ASB4: variants seen among roughly 807,000 people sequenced by gnomAD.
The protein encoded by ASB4 is ankyrin repeat and SOCS box containing 4.
A neutral mutation model predicts 38.6 loss-of-function variants in ASB4; 35 were observed. That is an observed-to-expected ratio of 0.91 (90% CI 0.69 to 1.20). The LOEUF (loss-of-function observed/expected upper bound fraction) is 1.20, where lower values mean the gene tolerates loss of function less well. ASB4 is among the 50% of genes most tolerant of loss of function. ASB4 has a pLI of 0.00. For synonymous variants in ASB4, 195 were observed against 201.3 expected, an observed-to-expected ratio of 0.97 and a Z score of 0.26; for missense variants, 557 against 527.2, an observed-to-expected ratio of 1.06 and a Z score of -0.55.
chr7:95,485,967 G>A lies in ASB4; in HGVS notation c.-5G>A, dbSNP rs1585792802. 1 of 1,612,680 alleles carries A rather than the reference G, an allele frequency of 6.2e-7. No homozygotes were observed. The highest frequency in any genetic ancestry group is 1.3e-5 in the African/African-American group (1 of 74,862). ...CACAACAAAGCTTCCAGAGGGAGAG[G>A]AAGGATGGACGGCACCACTGCCCCT... On this transcript the variant is annotated 5_prime_UTR_variant, in exon 1 of 5. Coordinates refer to ENST00000325885, the MANE Select transcript of ASB4 (RefSeq NM_016116.3).
chr7:95,514,055 G>A (rs1296193804), intron 2 of ASB4, among the ~76,000 whole-genome samples: 1 of 152,100 alleles, frequency 6.6e-6, no homozygotes, highest in Admixed American at 6.6e-5. Flanking sequence ...CTCATCCTTG[G>A]TCCTTTATGG....
downstream of ASB4, among the ~76,000 whole-genome samples, chr7:95,545,192 C>T (rs1286957128): frequency 6.6e-6 from 1 of 152,198 alleles, no homozygotes; most frequent in Non-Finnish European, 1.5e-5. Flanking sequence ...AATTTTCTCC[C>T]TGCTGTGAAT....
At chr7:95,549,681 T>G in the ASB4 span, among the ~76,000 whole-genome samples, 2 of 152,164 alleles carry the variant, frequency 1.3e-5, no homozygotes, top group African/African-American at 4.8e-5. Flanking sequence ...TTTAAGATAC[T>G]CTAAAATATT....
intron 3 of ASB4, among the ~76,000 whole-genome samples, chr7:95,530,262 G>A (rs894778782): frequency 6.6e-6 from 1 of 151,924 alleles, no homozygotes; most frequent in Non-Finnish European, 1.5e-5. Flanking sequence ...GGAGTTCAAG[G>A]ACAGACAGCC....
chr7:95,546,529 A>G, the ASB4 span, among the ~76,000 whole-genome samples: 2 of 152,174 alleles, frequency 1.3e-5, no homozygotes, highest in Non-Finnish European at 2.9e-5. Flanking sequence ...CAGGGATGGC[A>G]AAAGTGGGGT....
chr7:95,530,657 G>GTA (rs1790808409), intron 3 of ASB4, among the ~76,000 whole-genome samples: 1 of 152,090 alleles, frequency 6.6e-6, no homozygotes, highest in Non-Finnish European at 1.5e-5. Flanking sequence ...AATCCAAGAG[G>GTA]TATATATGTG....
chr7:95,496,166 T>C, intron 2 of ASB4, 109 bp downstream of exon 2: 1 of 1,033,744 alleles, frequency 9.7e-7, no homozygotes, highest in South Asian at 1.5e-5. Context: ...AAGATGCAAT[T>C]ATGCCTAGTA....
chr7:95,499,078 G>C (rs1221185655), intron 2 of ASB4, among the ~76,000 whole-genome samples: 2 of 152,112 alleles, frequency 1.3e-5, no homozygotes, highest in African/African-American at 4.8e-5. Flanking sequence ...AAATCAGATA[G>C]AGTGAGTCCT....
At chr7:95,501,069 A>T (rs1453776283) in intron 2 of ASB4, among the ~76,000 whole-genome samples, 1 of 152,062 alleles carries the variant, frequency 6.6e-6, no homozygotes, top group African/African-American at 2.4e-5. Flanking sequence ...CAAGCTTTTT[A>T]TTTTTAAGAG....
At chr7:95,486,852 G>A (rs559153012) in intron 1 of ASB4, among the ~76,000 whole-genome samples, 80 of 152,166 alleles carry the variant, frequency 5.3e-4, no homozygotes, top group African/African-American at 1.8e-3. Flanking sequence ...TTTTTACCAA[G>A]GAATTTTCTG....
At chr7:95,523,627 A>G (rs1350556532) in intron 2 of ASB4, among the ~76,000 whole-genome samples, 1 of 152,068 alleles carries the variant, frequency 6.6e-6, no homozygotes, top group East Asian at 1.9e-4. Context: ...ATTAATAAAG[A>G]CTCTTAACAT....
chr7:95,515,019 C>T (rs1790534842), intron 2 of ASB4, among the ~76,000 whole-genome samples: 1 of 152,176 alleles, frequency 6.6e-6, no homozygotes, highest in Non-Finnish European at 1.5e-5. Context: ...AGTATGACAC[C>T]TAGGCATCCC....
intron 2 of ASB4, among the ~76,000 whole-genome samples, chr7:95,507,554 T>G (rs1790426680): frequency 6.6e-6 from 1 of 152,156 alleles, no homozygotes; most frequent in Non-Finnish European, 1.5e-5. Context: ...GTTGAATTCT[T>G]TGATTAGTAA....
chr7:95,529,442 T>C (rs528702857), intron 3 of ASB4, among the ~76,000 whole-genome samples: 3 of 152,320 alleles, frequency 2.0e-5, no homozygotes, highest in African/African-American at 7.2e-5. Context: ...TTGTCTGAAG[T>C]CCTGCAGTGT....
chr7:95,542,273 T>C (rs1301557509), downstream of ASB4: 2 of 152,196 alleles, frequency 1.3e-5, no homozygotes, highest in Non-Finnish European at 2.9e-5. Flanking sequence ...AAAAATTAGA[T>C]GCTGTCTAAC....
chr7:95,534,341 TA>T (rs11479848), intron 3 of ASB4, among the ~76,000 whole-genome samples: 45,519 of 146,224 alleles, frequency 0.31, 7,545 homozygotes, highest in East Asian at 0.69. Context: ...AAAACTCCAT[TA>T]AAAAAAAAAA....
At chr7:95,515,400 C>G (rs546222848) in intron 2 of ASB4, among the ~76,000 whole-genome samples, 1 of 82,762 alleles carries the variant, frequency 1.2e-5, no homozygotes, top group East Asian at 3.1e-4. Flanking sequence ...TTTTTCTTTT[C>G]TTTTCTTTTT....
downstream of ASB4, among the ~76,000 whole-genome samples, chr7:95,545,173 C>A (rs572571017): frequency 4.3e-4 from 65 of 152,268 alleles, no homozygotes; most frequent in Middle Eastern, 6.8e-3. Flanking sequence ...AAAGGAGGCA[C>A]TGTAGGAGAA....
At position 95,537,986 on chromosome 7, in the gene ASB4, G is replaced by A. The variant is rs900065337; in HGVS notation, c.*227G>A. On this transcript the variant is annotated 3_prime_UTR_variant, in exon 5 of 5. Coordinates refer to ENST00000325885, the MANE Select transcript of ASB4 (RefSeq NM_016116.3). ...AGGATGTATTCAGAATGTACTGATA[G>A]AACAGTAATAACTAATATGTATAGT... 2.0e-5 allele frequency: 10 copies of A among 491,006 alleles called. No individual in the cohort carries two copies. Among genetic ancestry groups the A allele is most frequent in the South Asian group, 3.5e-5 (1 of 28,912 alleles). The allele number at this position is 491,006 out of a possible 1,614,324, so 30.4% of individuals were successfully genotyped here.
Sources: allele counts gnomAD v4.1 joint callset (sites outside exome capture counted in the v4.1 genomes callset), GRCh38; gene constraint gnomAD v4.1.1; transcripts MANE v1.5; gene names NCBI Gene and HGNC (gene_info 2026-07-23, HGNC 2026-07-21).